Variants in NRG1 observed in about 807,000 individuals in gnomAD.
NRG1 encodes neuregulin 1, also known as pro-neuregulin-1, membrane-bound isoform.
NRG1 carries 18 observed loss-of-function variants against 63.8 expected under a neutral mutation model. The observed-to-expected ratio is 0.28, with a 90% confidence interval of 0.19 to 0.42. NRG1 has a LOEUF of 0.42. Ranked by LOEUF, NRG1 falls within the 10% of genes least tolerant of loss-of-function variation. NRG1 has a pLI of 1.00. For synonymous variants in NRG1, 302 were observed against 301.3 expected, an observed-to-expected ratio of 1.00 and a Z score of -0.02; for missense variants, 762 against 814.7, an observed-to-expected ratio of 0.94 and a Z score of 0.79.
chr8:31,670,168 C>T (rs941726414), intron 1 of NRG1, among the ~76,000 whole-genome samples: 1 of 152,128 alleles, frequency 6.6e-6, no homozygotes, highest in African/African-American at 2.4e-5. Context: ...TCTCTCAAAG[C>T]TCTGCAAATC....
intron 1 of NRG1, among the ~76,000 whole-genome samples, chr8:32,040,227 C>A (rs1819722234): frequency 1.3e-5 from 2 of 152,120 alleles, no homozygotes; most frequent in South Asian, 2.1e-4. Flanking sequence ...TTTCAAATGA[C>A]CTTCCTTAGA....
In NRG1 at chr8:32,708,953, TG is replaced by T. The variant is rs543499650; in HGVS notation, c.503-18995del. Among the ~76,000 whole-genome samples the T allele has an allele frequency of 4.6e-5, 7 of 152,354 alleles. No homozygotes were observed. In the South Asian group the frequency reaches 1.5e-3, roughly 32 times the overall value. On this transcript the variant is annotated intron_variant, in intron 5 of 11. Transcript: ENST00000356819. ...CTGCAATATGGCCCAGGGTGACACT[TG>T]ACATCTGTATGTTTTATTTTTATTA...
chr8:31,800,053 A>G (rs1212980279), intron 1 of NRG1, among the ~76,000 whole-genome samples: 2 of 152,204 alleles, frequency 1.3e-5, no homozygotes, highest in Admixed American at 1.3e-4. Flanking sequence ...TTGGCCTATA[A>G]TGTTTTAAAA....
At chr8:32,339,111 T>C (rs898638449) in intron 1 of NRG1, among the ~76,000 whole-genome samples, 22 of 152,264 alleles carry the variant, frequency 1.4e-4, no homozygotes, top group African/African-American at 5.3e-4. Flanking sequence ...CACAGAAGAA[T>C]AGAAATCATC....
intron 1 of NRG1, among the ~76,000 whole-genome samples, chr8:31,898,034 A>AAAG (rs1831737675): frequency 6.6e-6 from 1 of 150,758 alleles, no homozygotes; most frequent in South Asian, 2.1e-4. Context: ...AAAAAAAAAA[A>AAAG]AGAGAGAGAA....
chr8:31,731,005 G>A (rs564799806), intron 1 of NRG1, among the ~76,000 whole-genome samples: 8 of 152,192 alleles, frequency 5.3e-5, no homozygotes, highest in East Asian at 3.9e-4. Context: ...ATTTGAAACA[G>A]CGGTTTTTCT....
chr8:32,739,225 C>T (rs376795888), intron 6 of NRG1, among the ~76,000 whole-genome samples: 2 of 152,134 alleles, frequency 1.3e-5, no homozygotes, highest in East Asian at 1.9e-4. Flanking sequence ...CACCTTACGT[C>T]TTGAACTTTA....
chr8:32,365,308 C>G (rs1001147092), intron 1 of NRG1, among the ~76,000 whole-genome samples: 4 of 152,006 alleles, frequency 2.6e-5, no homozygotes, highest in Non-Finnish European at 5.9e-5. Flanking sequence ...GCCCTTTTGG[C>G]TATGATAAGT....
intron 5 of NRG1, among the ~76,000 whole-genome samples, chr8:32,674,529 C>G (rs1174704598): frequency 6.6e-6 from 1 of 152,122 alleles, no homozygotes; most frequent in Non-Finnish European, 1.5e-5. Flanking sequence ...AACCTTGGGA[C>G]AATGTCATTC....
At chr8:32,299,376 A>G (rs1225231369) in intron 1 of NRG1, among the ~76,000 whole-genome samples, 2 of 152,222 alleles carry the variant, frequency 1.3e-5, no homozygotes. Context: ...CATTCTAAAA[A>G]TAAGATTTTA....
rs375452164 is a variant in NRG1, at chr8:32,472,167, T to A, written c.38-123661T>A. Among the ~76,000 whole-genome samples, 37 of 150,758 alleles carry A rather than the reference T, an allele frequency of 2.5e-4. No homozygotes were observed. In the East Asian group the frequency reaches 5.6e-3, roughly 23 times the overall value. On this transcript the variant is annotated intron_variant, in intron 1 of 10. Coordinates refer to the NRG1 transcript ENST00000519301. ...TACTTCCAAAGACTCTGACCCTGAG[T>A]TCTTGGCGTTTATTCTTTTTTTTGA...
intron 11 of NRG1, chr8:32,763,454 T>C: frequency 1.5e-6 from 2 of 1,342,880 alleles, no homozygotes; most frequent in South Asian, 2.9e-5. Flanking sequence ...TGCCTTCTTG[T>C]CTTGGCTCAT....
intron 1 of NRG1, among the ~76,000 whole-genome samples, chr8:31,870,445 A>T (rs576691702): frequency 1.7e-4 from 26 of 152,256 alleles, no homozygotes; most frequent in African/African-American, 6.3e-4. Context: ...CTTAGAAGGA[A>T]AGATATTAAT....
rs139580218 is a variant in NRG1, at chr8:32,697,900, T to A, written c.503-30049T>A. Reference sequence around the variant, plus strand: ...TACCTCAATATAATATGGGACAAGCTGTTAGACATCAATATGCTGAAAAAT... The same window carrying A: ...TACCTCAATATAATATGGGACAAGCAGTTAGACATCAATATGCTGAAAAAT... On this transcript the variant is annotated intron_variant, in intron 5 of 11. Coordinates refer to ENST00000356819, the Ensembl canonical transcript of NRG1. Among the ~76,000 whole-genome samples, 222 of 152,208 alleles carry A rather than the reference T, an allele frequency of 1.5e-3. 1 individual carries two copies. The highest frequency in any genetic ancestry group is 3.5e-3 in the East Asian group (18 of 5,168).
chr8:32,443,039 A>G (rs919676108), intron 1 of NRG1, among the ~76,000 whole-genome samples: 1 of 151,846 alleles, frequency 6.6e-6, no homozygotes, highest in Non-Finnish European at 1.5e-5. Context: ...GGCTCAAGCC[A>G]TCCTTCCATC....
intron 1 of NRG1, among the ~76,000 whole-genome samples, chr8:32,432,441 A>AT (rs1303688858): frequency 1.3e-5 from 2 of 152,114 alleles, no homozygotes; most frequent in Admixed American, 6.6e-5. Context: ...CAGAAGGAAG[A>AT]TTTTGAATCT....
chr8:31,781,060 T>C (rs1365466551), intron 1 of NRG1, among the ~76,000 whole-genome samples: 1 of 152,228 alleles, frequency 6.6e-6, no homozygotes, highest in Non-Finnish European at 1.5e-5. Flanking sequence ...CCATTTATTA[T>C]CCTTATTTTT....
chr8:32,106,932 T>A (rs1831342357), intron 1 of NRG1, among the ~76,000 whole-genome samples: 1 of 152,178 alleles, frequency 6.6e-6, no homozygotes, highest in Admixed American at 6.5e-5. Context: ...TTTAAAATGC[T>A]AAAGTTTTGG....
rs572825646 is a variant in NRG1, at chr8:31,672,900, C to T, written c.37+33469C>T. Among the ~76,000 whole-genome samples, 13 of 150,806 alleles carry T rather than the reference C, an allele frequency of 8.6e-5. No homozygotes were observed. In the South Asian group the frequency reaches 1.7e-3, roughly 19 times the overall value. ...TAATATATTTCCAAGATATATTTTA[C>T]ATTCCTTTGTGTCATAAATATGCTT... On this transcript the variant is annotated intron_variant, in intron 1 of 10. Transcript: ENST00000519301.
Sources: allele counts gnomAD v4.1 joint callset (sites outside exome capture counted in the v4.1 genomes callset), GRCh38; gene constraint gnomAD v4.1.1; transcripts MANE v1.5; gene names NCBI Gene and HGNC (gene_info 2026-07-23, HGNC 2026-07-21).